Variants in ARRDC5 observed in about 807,000 individuals in gnomAD.
ARRDC5 encodes arrestin domain containing 5.
In ARRDC5, 12 loss-of-function variants were observed where a neutral mutation model predicts 13.3. The observed-to-expected ratio is 0.90, with a 90% CI of 0.58 to 1.46. ARRDC5 has a LOEUF of 1.46. Ranked by LOEUF, ARRDC5 falls within the 40% of genes most tolerant of loss-of-function variation. The pLI is 0.00. For missense variants in ARRDC5, 406 were observed against 418.7 expected (o/e 0.97, Z 0.26); for synonymous variants, 181 against 173.4 (o/e 1.04, Z -0.34).
chr19:4,899,933 G>A (rs375308179), intron 1 of ARRDC5, among the ~76,000 whole-genome samples: 16 of 147,930 alleles, frequency 1.1e-4, no homozygotes, highest in African/African-American at 3.9e-4. Context: ...AGGAGACTCC[G>A]TCTCCAAAAA....
chr19:4,896,186 A>G (rs1445355664), intron 2 of ARRDC5, among the ~76,000 whole-genome samples: 1 of 151,650 alleles, frequency 6.6e-6, no homozygotes, highest in African/African-American at 2.4e-5. Context: ...ATGGTGGTGC[A>G]CATCTGTAAT....
chr19:4,912,174 C>T, the ARRDC5 span, among the ~76,000 whole-genome samples: 4 of 152,272 alleles, frequency 2.6e-5, no homozygotes, highest in Admixed American at 6.5e-5. Flanking sequence ...CGGGAGGAGG[C>T]GATCTGGAGA....
chr19:4,916,772 G>A, the ARRDC5 span, among the ~76,000 whole-genome samples: 3 of 152,198 alleles, frequency 2.0e-5, no homozygotes, highest in Admixed American at 6.5e-5. Flanking sequence ...GCGCTGAGAC[G>A]GGCCAGCAGG....
chr19:4,909,144 T>G, the ARRDC5 span: 3 of 287,594 alleles, frequency 1.0e-5, no homozygotes, highest in African/African-American at 6.7e-5. Flanking sequence ...TCCGGCCTTC[T>G]TAGACCTACT....
chr19:4,891,638 T>C, intron 2 of ARRDC5, 65 bp from the exon 3 acceptor site: 1 of 1,443,812 alleles, frequency 6.9e-7, no homozygotes, highest in Non-Finnish European at 9.4e-7. Context: ...CTTGCCTGCC[T>C]GATCCACCCT....
At chr19:4,904,013 G>A (rs1461434865), upstream of ARRDC5, among the ~76,000 whole-genome samples, 2 of 151,730 alleles carry the variant, frequency 1.3e-5, no homozygotes, top group African/African-American at 2.4e-5. Flanking sequence ...ATCTCACTCT[G>A]TTGCCCAGGC....
upstream of ARRDC5, chr19:4,902,943 A>T: frequency 1.3e-6 from 2 of 1,519,488 alleles, no homozygotes; most frequent in Non-Finnish European, 1.8e-6. Flanking sequence ...AGTTCCGGGA[A>T]GTGGGGACCC....
chr19:4,916,597 C>T, the ARRDC5 span, among the ~76,000 whole-genome samples: 5 of 152,250 alleles, frequency 3.3e-5, no homozygotes, highest in South Asian at 2.1e-4. Flanking sequence ...CACTAGCCCT[C>T]CACCCGTCCT....
chr19:4,908,421 C>T, the ARRDC5 span, among the ~76,000 whole-genome samples: 6 of 152,098 alleles, frequency 3.9e-5, no homozygotes, highest in African/African-American at 1.2e-4. Flanking sequence ...AAGTCCTCCC[C>T]GGTGGCCTTC....
intron 1 of ARRDC5, among the ~76,000 whole-genome samples, chr19:4,901,452 A>G (rs2031910460): frequency 6.6e-6 from 1 of 151,992 alleles, no homozygotes; most frequent in Admixed American, 6.6e-5. Flanking sequence ...TGCCTCTACT[A>G]AAAATACCAA....
chr19:4,914,491 T>A, the ARRDC5 span, among the ~76,000 whole-genome samples: 1 of 151,966 alleles, frequency 6.6e-6, no homozygotes, highest in African/African-American at 2.4e-5. Context: ...GTTGGGTCTG[T>A]CTCGGAATAT....
chr19:4,915,356 G>A, the ARRDC5 span, among the ~76,000 whole-genome samples: 1 of 152,198 alleles, frequency 6.6e-6, no homozygotes, highest in African/African-American at 2.4e-5. Context: ...TTGTGGCCCC[G>A]AAGCAGCTGT....
the ARRDC5 span, chr19:4,910,556 C>T: frequency 1.3e-4 from 36 of 278,462 alleles, 1 homozygote; most frequent in African/African-American, 7.2e-4. Context: ...ACCAACTCGG[C>T]CACTTGGCCC....
At chr19:4,910,881 A>C in the ARRDC5 span, 1 of 1,607,264 alleles carries the variant, frequency 6.2e-7, no homozygotes, top group Non-Finnish European at 8.5e-7. Context: ...CTCAGCGCCG[A>C]CACCATGTGG....
chr19:4,891,180 C>T lies in ARRDC5; in HGVS notation c.853G>A (p.Val285Met), dbSNP rs375360455. 7.3e-5 allele frequency: 117 copies of T among 1,612,982 alleles called. No individual in the cohort carries two copies. Among genetic ancestry groups the T allele is most frequent in the Admixed American group, 1.0e-4 (6 of 59,892 alleles). The change falls in exon 3 of 3, where the codon GTG (valine) becomes ATG (methionine). Residue 285 changes from valine to methionine, a missense_variant. By Grantham distance (21) the Val-to-Met change is conservative. Transcript: ENST00000650722. Reference sequence around the variant, plus strand: ...CTGGTCAGGGACCAGGGCAGGTGCACGGTGGTGACCAGCTCGTAGCGAGTG... The same window carrying T: ...CTGGTCAGGGACCAGGGCAGGTGCATGGTGGTGACCAGCTCGTAGCGAGTG... Reference protein sequence around the residue: ...MHTRYELVTTVHLPWSLTSLK... With the variant: ...MHTRYELVTTMHLPWSLTSLK...
chr19:4,916,727 C>T, the ARRDC5 span, among the ~76,000 whole-genome samples: 3 of 152,326 alleles, frequency 2.0e-5, no homozygotes, highest in African/African-American at 7.2e-5. Context: ...TCTCTCCCTC[C>T]GTCTGTCTTG....
At chr19:4,910,832 G>A in the ARRDC5 span, 5 of 1,560,828 alleles carry the variant, frequency 3.2e-6, no homozygotes, top group Non-Finnish European at 4.4e-6. Flanking sequence ...TGGCTCAGAG[G>A]TGCTGGTAAA....
At chr19:4,891,646 C>T (rs1040337733) in intron 2 of ARRDC5, 73 bp from the exon 3 acceptor site, 417 of 1,364,684 alleles carry the variant, frequency 3.1e-4, no homozygotes, top group Admixed American at 7.0e-4. Flanking sequence ...CCTGATCCAC[C>T]CTGGGAACTC....
chr19:4,898,628 C>G (rs2031810194), intron 1 of ARRDC5, among the ~76,000 whole-genome samples: 1 of 149,178 alleles, frequency 6.7e-6, no homozygotes, highest in South Asian at 2.1e-4. Context: ...TCCCAAAGGG[C>G]TGGGATTACA....
Sources: gnomAD v4.1 joint callset for allele counts (sites outside exome capture counted in the v4.1 genomes callset) on GRCh38, gnomAD v4.1.1 for gene constraint, MANE v1.5 for transcripts, NCBI Gene and HGNC (gene_info 2026-07-23, HGNC 2026-07-21) for gene names.